SMPX: variants seen among roughly 807,000 people sequenced by gnomAD.
SMPX encodes small muscle protein X-linked.
Under a neutral mutation model 6.3 loss-of-function variants are expected in SMPX, and 2 were observed. The ratio of observed to expected loss-of-function variants is 0.32; its 90% confidence interval spans 0.13 to 0.99. The LOEUF (loss-of-function observed/expected upper bound fraction) is 0.99. Ranked by LOEUF, SMPX falls within the 50% of genes least tolerant of loss-of-function variation. The pLI is 0.49. For missense variants in SMPX, 60 were observed against 66.8 expected (o/e 0.90, Z 0.36); for synonymous variants, 32 against 24.7 (o/e 1.30, Z -0.88).
At chrX:21,743,222 TG>T (rs1194883234) in intron 3 of SMPX, among the ~76,000 whole-genome samples, 21 of 111,333 alleles carry the variant, frequency 1.9e-4, no homozygotes. Flanking sequence ...AGTTTTTGTT[TG>T]TTTGTTGTTT....
At chrX:21,749,165 G>T (rs757871126) in intron 2 of SMPX, among the ~76,000 whole-genome samples, 1 of 112,210 alleles carries the variant, frequency 8.9e-6, no homozygotes, top group Non-Finnish European at 1.9e-5. Context: ...ATGCTAAGAA[G>T]CCACATACTC....
intron 4 of SMPX, among the ~76,000 whole-genome samples, chrX:21,737,092 T>C (rs763341058): frequency 9.0e-6 from 1 of 111,412 alleles, no homozygotes; most frequent in South Asian, 3.9e-4. Flanking sequence ...ATTAAAGGAC[T>C]GAACTCCTGG....
At chrX:21,726,473 GC>G (rs754018725) in intron 4 of SMPX, among the ~76,000 whole-genome samples, 22 of 112,614 alleles carry the variant, frequency 2.0e-4, no homozygotes, top group African/African-American at 6.1e-4. Context: ...GGGACTCACT[GC>G]TAATAGATAG....
chrX:21,731,481 T>TAA (rs1416099729), intron 4 of SMPX, among the ~76,000 whole-genome samples: 790 of 76,235 alleles, frequency 0.01, 173 homozygotes, highest in African/African-American at 0.031. Flanking sequence ...CACATACACA[T>TAA]TATGTGTGTA....
At position 21,717,040 on chromosome X, in the gene SMPX, C is replaced by T. The variant is rs775255417; in HGVS notation, c.*15-10646G>A. On this transcript the variant is annotated intron_variant, in intron 4 of 4. Transcript: ENST00000379494. The stretch of plus-strand genomic sequence containing the variant: ...GTGTAACCATCACCAAAAGAGTGTA[C>T]GCTGTACCTGTTTACAATATAAATC... Among the ~76,000 whole-genome samples, 26 of 111,372 alleles carry T rather than the reference C, an allele frequency of 2.3e-4. No individual in the cohort carries two copies. The South Asian group carries it at 6.1e-3, about 26-fold the overall frequency.
chrX:21,728,220 C>T (rs1430488064), intron 4 of SMPX, among the ~76,000 whole-genome samples: 4 of 18,676 alleles, frequency 2.1e-4, no homozygotes, highest in Non-Finnish European at 8.7e-5. Flanking sequence ...TCCTTTCTCT[C>T]TCTCTCTCTC....
chrX:21,754,963 G>C (rs1462715169), intron 1 of SMPX, among the ~76,000 whole-genome samples: 1 of 112,413 alleles, frequency 8.9e-6, no homozygotes. Context: ...AGCAAGTCTC[G>C]CCTGTATACT....
chrX:21,746,903 G>T (rs1238537140), intron 2 of SMPX, among the ~76,000 whole-genome samples: 1 of 111,285 alleles, frequency 9.0e-6, no homozygotes, highest in Non-Finnish European at 1.9e-5. Context: ...ATTTGAATTT[G>T]ATAAAAATAT....
chrX:21,734,836 C>G (rs184590299), intron 4 of SMPX, among the ~76,000 whole-genome samples: 1 of 111,749 alleles, frequency 8.9e-6, no homozygotes, highest in African/African-American at 3.3e-5. Context: ...ATCCATGACA[C>G]AGGGCATGGA....
At chrX:21,725,086 T>A (rs2092795546) in intron 4 of SMPX, among the ~76,000 whole-genome samples, 1 of 112,001 alleles carries the variant, frequency 8.9e-6, no homozygotes, top group African/African-American at 3.2e-5. Context: ...CACCTGTATT[T>A]ACTAGTGACT....
intron 4 of SMPX, among the ~76,000 whole-genome samples, chrX:21,706,790 G>A (rs764007244): frequency 1.8e-4 from 20 of 109,930 alleles, no homozygotes; most frequent in African/African-American, 5.9e-4. Context: ...TCATGATAGT[G>A]AGTGAGTTCT....
Position 21,712,914 on chromosome X carries a change from C to A in SMPX, c.*15-6520G>T, listed in dbSNP as rs140469983. Among the ~76,000 whole-genome samples, 410 of 112,266 alleles carry A rather than the reference C, an allele frequency of 3.7e-3. 2 individuals are homozygous for A. The highest frequency in any genetic ancestry group is 0.013 in the African/African-American group (388 of 30,919). On this transcript the variant is annotated intron_variant, in intron 4 of 4. Coordinates refer to ENST00000379494, the MANE Select transcript of SMPX (RefSeq NM_014332.3). ...ACTGTCCAGCAATGATCTGTGGCAG[C>A]CAGGGGTTCTGGAGCAACCAAATGG... is the stretch of plus-strand genomic sequence containing the variant.
rs2092830778 is a variant in SMPX, at chrX:21,754,533, C to T, written c.-12-231G>A. Among the ~76,000 whole-genome samples, 4 of 111,638 alleles carry T rather than the reference C, an allele frequency of 3.6e-5. No individual in the cohort carries two copies. In the South Asian group the frequency reaches 1.1e-3, roughly 32 times the overall value. ...CAGGAGGAGAAATGGTGAGACGCCT[C>T]GCCCCTGATGCTAATGATATACAAT... On this transcript the variant is annotated intron_variant, in intron 1 of 4. Coordinates refer to ENST00000379494, the MANE Select transcript of SMPX (RefSeq NM_014332.3).
At chrX:21,722,479 C>T (rs749672173) in intron 4 of SMPX, among the ~76,000 whole-genome samples, 4 of 111,953 alleles carry the variant, frequency 3.6e-5, no homozygotes, top group East Asian at 2.8e-4. Flanking sequence ...AAATCTAGAA[C>T]GATCTCAAAA....
At chrX:21,719,437 G>C (rs1048071066) in intron 4 of SMPX, among the ~76,000 whole-genome samples, 2 of 110,175 alleles carry the variant, frequency 1.8e-5, no homozygotes, top group African/African-American at 6.6e-5. Context: ...AGACTCGCTT[G>C]AACCCGGGAG....
intron 3 of SMPX, among the ~76,000 whole-genome samples, chrX:21,739,021 A>G (rs913210326): frequency 9.0e-6 from 1 of 111,055 alleles, no homozygotes; most frequent in Non-Finnish European, 1.9e-5. Context: ...GAACCAATAC[A>G]GTTCCCGGGA....
intron 4 of SMPX, among the ~76,000 whole-genome samples, chrX:21,712,248 C>T (rs368905113): frequency 1.8e-5 from 2 of 111,993 alleles, no homozygotes; most frequent in African/African-American, 6.5e-5. Flanking sequence ...ATGAAGCCTT[C>T]GGTGGTTAAA....
chrX:21,706,207 G>C lies in SMPX; in HGVS notation c.*202C>G. 2.0e-6 allele frequency: 1 copy of C among 509,614 alleles called. No individual in the cohort carries two copies. The highest frequency in any genetic ancestry group is 3.5e-6 in the Non-Finnish European group (1 of 284,495). 42.0% of individuals were successfully genotyped at this position (509,614 alleles called of 1,213,427 possible). On this transcript the variant is annotated 3_prime_UTR_variant, in exon 5 of 5. Coordinates refer to ENST00000379494, the MANE Select transcript of SMPX (RefSeq NM_014332.3). ...TTGAATTTATGGGCTAATTTGTTCT[G>C]TGAGGTGCCAAAAATGAAGATAAAG...
chrX:21,742,567 G>A (rs759216244), intron 3 of SMPX, among the ~76,000 whole-genome samples: 1 of 111,452 alleles, frequency 9.0e-6, no homozygotes, highest in Non-Finnish European at 1.9e-5. Flanking sequence ...AGCAGGGTAG[G>A]GCCAGGTTTT....
Sources: gnomAD v4.1 joint callset for allele counts (sites outside exome capture counted in the v4.1 genomes callset) on GRCh38, gnomAD v4.1.1 for gene constraint, MANE v1.5 for transcripts, NCBI Gene and HGNC (gene_info 2026-07-23, HGNC 2026-07-21) for gene names.